The following GPSM2 variants were observed in gnomAD, a reference collection of about 807,000 sequenced individuals.
GPSM2 encodes G protein signaling modulator 2, also known as G protein-signaling modulator 2.
A neutral mutation model predicts 78.4 loss-of-function variants in GPSM2; 58 were observed. The ratio of observed to expected loss-of-function variants is 0.74; its 90% CI spans 0.60 to 0.92. The LOEUF (loss-of-function observed/expected upper bound fraction) is 0.92. Ranked by LOEUF, GPSM2 falls within the 40% of genes least tolerant of loss-of-function variation. GPSM2 has a pLI of 0.00. For missense variants in GPSM2, 700 were observed against 815.5 expected (o/e 0.86, Z 1.73); for synonymous variants, 224 against 280.2 (o/e 0.80, Z 2.00).
In GPSM2 at chr1:108,931,557, A is replaced by G; in HGVS notation, c.*1617A>G. 1 of 1,491,348 alleles carries G rather than the reference A, an allele frequency of 6.7e-7. No individual in the cohort carries two copies. The highest frequency in any genetic ancestry group is 9.0e-7 in the Non-Finnish European group (1 of 1,113,968). 92.4% of individuals were successfully genotyped at this position (1,491,348 alleles called of 1,614,324 possible). A position where few individuals can be genotyped will look rare whatever the true frequency, so the allele number is the denominator to read the frequency against. ...ATTCAGGTGATTTGGATGGGCAAAT[A>G]GAACTATTTCTCTAATGGCCAATGT... On this transcript the variant is annotated 3_prime_UTR_variant, in exon 15 of 15. Coordinates refer to ENST00000264126, the MANE Select transcript of GPSM2 (RefSeq NM_013296.5).
intron 7 of GPSM2, among the ~76,000 whole-genome samples, chr1:108,900,053 G>A (rs1163590424): frequency 6.6e-6 from 1 of 152,074 alleles, no homozygotes; most frequent in East Asian, 1.9e-4. Flanking sequence ...ATTAAATGGT[G>A]TATCTGTGTT....
chr1:108,922,551 C>T lies in GPSM2; in HGVS notation c.1575C>T (p.Ser525=), dbSNP rs1364928857. Residue 525 remains serine (S), a synonymous_variant, in exon 13 of 15, where the codon TCC becomes TCT. Transcript: ENST00000264126. ...ATACAGCTTCAACAACAACTTCTTC[C>T]ACTCCCCCTAAAATGATGCTAAAAA... The part of the protein sequence containing the change: ...NCHTASTTTS[S]TPPKMMLKTS... 1.2e-6 allele frequency: 2 copies of T among 1,600,520 alleles called. No homozygotes were observed. Among genetic ancestry groups the T allele is most frequent in the Admixed American group, 1.7e-5 (1 of 59,726 alleles).
In GPSM2 at chr1:108,904,266, G is replaced by A; in HGVS notation, c.1192+12G>A. ...TAGCAGTTTGAATGGTAAGTAATAGGACTTTTAAAACCCAATTTTTTTATC... is the reference window on the plus strand; with the variant it reads ...TAGCAGTTTGAATGGTAAGTAATAGAACTTTTAAAACCCAATTTTTTTATC... On this transcript the variant is annotated intron_variant, in intron 10 of 14. Transcript: ENST00000264126. The A allele has an allele frequency of 6.4e-7, 1 of 1,561,390 alleles. No homozygotes were observed. The highest frequency in any genetic ancestry group is 8.8e-7 in the Non-Finnish European group (1 of 1,136,274).
chr1:108,886,564 G>C (rs537351585), intron 2 of GPSM2, among the ~76,000 whole-genome samples: 2 of 152,320 alleles, frequency 1.3e-5, no homozygotes, highest in Admixed American at 1.3e-4. Context: ...TACATTCCTG[G>C]TAGAAGGTTG....
At position 108,901,851 on chromosome 1, in the gene GPSM2, A is replaced by G; in HGVS notation, c.859A>G (p.Ser287Gly). 1.2e-6 allele frequency: 2 copies of G among 1,612,050 alleles called. No individual in the cohort carries two copies. The highest frequency in any genetic ancestry group is 1.7e-6 in the Non-Finnish European group (2 of 1,178,090). Residue 287 changes from serine (S) to glycine (G), a missense_variant, in exon 8 of 15, where the codon AGT (serine) becomes GGT (glycine). Physicochemically the swap from Ser to Gly is moderately conservative, Grantham distance 56. Coordinates refer to ENST00000264126, the MANE Select transcript of GPSM2 (RefSeq NM_013296.5). Reference protein sequence around the residue: ...DRAVEAQSCYSLGNTYTLLQD... With the variant: ...DRAVEAQSCYGLGNTYTLLQD... ...AGCTGTAGAAGCACAGTCTTGTTAC[A>G]GTCTTGGAAATACATATACTTTACT...
rs371434621 is a variant in GPSM2 at position 108,901,963 on chromosome 1, T to G, written c.953+18T>G. 386 of 1,564,082 alleles carry G rather than the reference T, an allele frequency of 2.5e-4. No individual in the cohort carries two copies. Among genetic ancestry groups the G allele is most frequent in the Non-Finnish European group, 3.2e-4 (363 of 1,134,592 alleles). ...AATGATAGGTATGTTTTACGTCTTT[T>G]TACCATAACTAAGGTAAAATATAGA... On this transcript the variant is annotated intron_variant, in intron 8 of 14. Transcript: ENST00000264126.
chr1:108,920,266 C>G (rs755706159), intron 12 of GPSM2, among the ~76,000 whole-genome samples: 1 of 152,086 alleles, frequency 6.6e-6, no homozygotes, highest in Non-Finnish European at 1.5e-5. Context: ...GTCAGGAGTT[C>G]AAGACCAACC....
intron 12 of GPSM2, 103 bp downstream of exon 12, chr1:108,918,892 A>G: frequency 1.3e-6 from 1 of 750,972 alleles, no homozygotes. Context: ...GACATTTAAT[A>G]TAAAATATCT....
At position 108,915,417 on chromosome 1, in the gene GPSM2, ATT is replaced by A. The variant is rs1290125808; in HGVS notation, c.1263+1011_1263+1012del. On this transcript the variant is annotated intron_variant, in intron 11 of 14. Coordinates refer to ENST00000264126, the MANE Select transcript of GPSM2 (RefSeq NM_013296.5). Reference sequence around the variant, plus strand: ...TTCTCATTCTTTTATGTATATTTTTATTTCTTTTTTTTCTTTTTTGTTTTTTT... The same window carrying A: ...TTCTCATTCTTTTATGTATATTTTTATCTTTTTTTTCTTTTTTGTTTTTTT... Among the ~76,000 whole-genome samples, 3 of 147,184 alleles carry A rather than the reference ATT, an allele frequency of 2.0e-5. No individual in the cohort carries two copies. In the East Asian group the frequency reaches 6.1e-4, roughly 30 times the overall value.
At chr1:108,907,367 G>C (rs996042022) in intron 10 of GPSM2, among the ~76,000 whole-genome samples, 14 of 152,156 alleles carry the variant, frequency 9.2e-5, no homozygotes, top group African/African-American at 3.4e-4. Context: ...TTGGGTTAGA[G>C]GTGTTCCTAG....
Position 108,930,848 on chromosome 1 carries a change from G to A in GPSM2, c.*908G>A, listed in dbSNP as rs776002069. On this transcript the variant is annotated 3_prime_UTR_variant, in exon 15 of 15. Transcript: ENST00000264126. ...AGAGATTGCAGTGAGCTGAGACCAA[G>A]CCACTGGACTCCAGCCTGAGTGACA... 2 of 152,204 alleles carry A rather than the reference G, an allele frequency of 1.3e-5. No homozygotes were observed. The highest frequency in any genetic ancestry group is 2.9e-5 in the Non-Finnish European group (2 of 68,612). 9.4% of individuals were successfully genotyped at this position (152,204 alleles called of 1,614,324 possible). A position where few individuals can be genotyped will look rare whatever the true frequency, so the allele number is the denominator to read the frequency against.
chr1:108,900,203 G>GT (rs1358349998), intron 7 of GPSM2, among the ~76,000 whole-genome samples: 1 of 149,724 alleles, frequency 6.7e-6, no homozygotes, highest in Non-Finnish European at 1.5e-5. Flanking sequence ...CAAGTCGTTG[G>GT]TTAGAAATAT....
chr1:108,887,247 ATT>A (rs201347203), intron 2 of GPSM2, among the ~76,000 whole-genome samples: 1 of 151,788 alleles, frequency 6.6e-6, no homozygotes, highest in Non-Finnish European at 1.5e-5. Context: ...GCTAATGCAA[ATT>A]TTTTTTTAAA....
chr1:108,905,136 G>T (rs1649117456), intron 10 of GPSM2, among the ~76,000 whole-genome samples: 1 of 152,194 alleles, frequency 6.6e-6, no homozygotes, highest in African/African-American at 2.4e-5. Flanking sequence ...TCTGAAGTGT[G>T]AACCGTATAA....
At position 108,930,013 on chromosome 1, in the gene GPSM2, G is replaced by A; in HGVS notation, c.*73G>A. 8 of 1,333,212 alleles carry A rather than the reference G, an allele frequency of 6.0e-6. No homozygotes were observed. Among genetic ancestry groups the A allele is most frequent in the Non-Finnish European group, 8.6e-6 (8 of 935,404 alleles). 82.6% of individuals were successfully genotyped at this position (1,333,212 alleles called of 1,614,324 possible). Reference sequence around the variant, plus strand: ...TCTATTACTTTTTTCCTTAAAAGGAGAATTTATAGCACTGTAATACAGCTT... The same window carrying A: ...TCTATTACTTTTTTCCTTAAAAGGAAAATTTATAGCACTGTAATACAGCTT... On this transcript the variant is annotated 3_prime_UTR_variant, in exon 15 of 15. Coordinates refer to ENST00000264126, the MANE Select transcript of GPSM2 (RefSeq NM_013296.5).
In GPSM2 at chr1:108,914,363, G is replaced by A. The variant is rs776496681; in HGVS notation, c.1218G>A (p.Arg406=). 1 of 1,612,468 alleles carries A rather than the reference G, an allele frequency of 6.2e-7. No individual in the cohort carries two copies. The highest frequency in any genetic ancestry group is 8.5e-7 in the Non-Finnish European group (1 of 1,178,750). ...GTGTACGCCCCAAGTTGGGACGCCGGCATAGTATGGAAAATATGGAACTTA... is the reference window on the plus strand; with the variant it reads ...GTGTACGCCCCAAGTTGGGACGCCGACATAGTATGGAAAATATGGAACTTA... ...LNGVRPKLGR[R]HSMENMELMK... The change falls in exon 11 of 15, where the codon CGG becomes CGA. Residue 406 remains arginine, a synonymous_variant. Coordinates refer to ENST00000264126, the MANE Select transcript of GPSM2 (RefSeq NM_013296.5).
chr1:108,886,500 GGCC>G (rs1647560311), intron 2 of GPSM2, among the ~76,000 whole-genome samples: 1 of 152,206 alleles, frequency 6.6e-6, no homozygotes, highest in African/African-American at 2.4e-5. Flanking sequence ...CTAGGGAAAT[GGCC>G]TGGCTCCTCT....
chr1:108,897,003 A>C lies in GPSM2; in HGVS notation c.196A>C (p.Ser66Arg), dbSNP rs2101398257. The C allele has an allele frequency of 6.2e-7, 1 of 1,614,066 alleles. No individual in the cohort carries two copies. The highest frequency in any genetic ancestry group is 2.2e-5 in the East Asian group (1 of 44,888). ...CCTAAAAACACTTAGCGCTATTTAC[A>C]GCCAGTTGGGCAATGCTTATTTCTA... ...EDLKTLSAIY[S>R]QLGNAYFYLH... Residue 66 changes from serine (S) to arginine (R), a missense_variant, in exon 3 of 15, where the codon AGC (serine) becomes CGC (arginine). Physicochemically the swap from Ser to Arg is moderately radical, Grantham distance 110. Transcript: ENST00000264126.
intron 10 of GPSM2, among the ~76,000 whole-genome samples, chr1:108,908,109 C>T (rs1318392634): frequency 2.0e-5 from 3 of 152,238 alleles, no homozygotes; most frequent in Non-Finnish European, 1.5e-5. Context: ...CCATGGCTCA[C>T]GCCTGTAATT....
Sources: allele counts gnomAD v4.1 joint callset (sites outside exome capture counted in the v4.1 genomes callset), GRCh38; gene constraint gnomAD v4.1.1; transcripts MANE v1.5; gene names NCBI Gene and HGNC (gene_info 2026-07-23, HGNC 2026-07-21).